COPS7B: variants seen among roughly 807,000 people sequenced by gnomAD.
COPS7B encodes the protein COP9 signalosome subunit 7B, also known as COP9 signalosome complex subunit 7b.
In COPS7B, 9 loss-of-function variants were observed where a neutral mutation model predicts 33.4. The observed-to-expected ratio is 0.27, with a 90% CI of 0.16 to 0.47. The LOEUF is 0.47. Among genes scored for constraint, COPS7B ranks in the 20% least tolerant of loss-of-function variants. The pLI, the probability that COPS7B is intolerant of heterozygous loss-of-function variation, is 0.99. For synonymous variants in COPS7B, 119 were observed against 126.3 expected (o/e 0.94, Z 0.39); for missense variants, 242 against 318.2 (o/e 0.76, Z 1.82).
In COPS7B at chr2:231,808,290, T is replaced by G; in HGVS notation, c.*645T>G. The G allele has an allele frequency of 1.0e-5, 4 of 382,292 alleles. No homozygotes were observed. The highest frequency in any genetic ancestry group is 6.1e-5 in the South Asian group (3 of 49,460). The allele number at this position is 382,292 out of a possible 1,614,324, so 23.7% of individuals were successfully genotyped here. On this transcript the variant is annotated 3_prime_UTR_variant, in exon 7 of 7. Transcript: ENST00000350033. ...TGAGAGCGCTGGGTTGACTAACCTC[T>G]GGTATCTGAGCACAGACAGAGGGTG...
intron 3 of COPS7B, 115 bp downstream of exon 3, chr2:231,791,923 T>A: frequency 3.3e-6 from 3 of 916,522 alleles, no homozygotes; most frequent in East Asian, 5.0e-5. Context: ...TTGACCTGGC[T>A]GCCTCCCATT....
intron 5 of COPS7B, 37 bp downstream of exon 5, chr2:231,796,345 C>G: frequency 6.3e-7 from 1 of 1,586,852 alleles, no homozygotes; most frequent in South Asian, 1.1e-5. Context: ...TCTAGCATGT[C>G]TTTTGTGCCT....
At chr2:231,800,080 A>G (rs1223806085) in intron 6 of COPS7B, among the ~76,000 whole-genome samples, 1 of 152,132 alleles carries the variant, frequency 6.6e-6, no homozygotes, top group East Asian at 1.9e-4. Flanking sequence ...ACACCACCCT[A>G]TATACATATA....
rs1331160795 is a variant in COPS7B, at chr2:231,808,307, C to T, written c.*662C>T. The T allele has an allele frequency of 2.5e-6, 1 of 402,418 alleles. No individual in the cohort carries two copies. Among genetic ancestry groups the T allele is most frequent in the Admixed American group, 3.0e-5 (1 of 32,950 alleles). 24.9% of individuals were successfully genotyped at this position (402,418 alleles called of 1,614,324 possible). On this transcript the variant is annotated 3_prime_UTR_variant, in exon 7 of 7. Coordinates refer to ENST00000350033, the MANE Select transcript of COPS7B (RefSeq NM_022730.4). ...CTAACCTCTGGTATCTGAGCACAGA[C>T]AGAGGGTGCTGTGGGTCTGCTGGGT...
chr2:231,799,051 T>C lies in COPS7B; in HGVS notation c.636+87T>C, dbSNP rs1191086892. 1.4e-5 allele frequency: 17 copies of C among 1,220,632 alleles called. No individual in the cohort carries two copies. In the East Asian group the frequency reaches 2.0e-4, roughly 15 times the overall value. 75.6% of individuals were successfully genotyped at this position (1,220,632 alleles called of 1,614,324 possible). On this transcript the variant is annotated intron_variant, in intron 6 of 6. Coordinates refer to ENST00000350033, the MANE Select transcript of COPS7B (RefSeq NM_022730.4). ...GTTTATGTTTTTGTTTTGCGAATCT[T>C]GGTGTAGATGAAACAAGCAGTCACC...
At chr2:231,804,653 T>C (rs2049842968) in intron 6 of COPS7B, among the ~76,000 whole-genome samples, 1 of 152,220 alleles carries the variant, frequency 6.6e-6, no homozygotes, top group African/African-American at 2.4e-5. Flanking sequence ...GGTTTTGTTT[T>C]TTTAATTTTT....
At chr2:231,802,038 G>C (rs917306759) in intron 6 of COPS7B, among the ~76,000 whole-genome samples, 1 of 152,092 alleles carries the variant, frequency 6.6e-6, no homozygotes, top group Admixed American at 6.5e-5. Context: ...GTCTCCCAAA[G>C]TGCTGAGATT....
At chr2:231,801,306 C>T in intron 6 of COPS7B, 1 of 1,522,266 alleles carries the variant, frequency 6.6e-7, no homozygotes, top group Non-Finnish European at 8.8e-7. Flanking sequence ...TGGAAATAAC[C>T]CATATTAGTT....
intron 6 of COPS7B, chr2:231,801,049 G>C (rs891348771): frequency 1.7e-5 from 17 of 1,002,044 alleles, no homozygotes; most frequent in Non-Finnish European, 2.5e-5. Context: ...TATTCTGTTT[G>C]TATTTATGCC....
intron 6 of COPS7B, among the ~76,000 whole-genome samples, chr2:231,799,252 A>G (rs1428800374): frequency 2.6e-5 from 4 of 152,206 alleles, no homozygotes. Flanking sequence ...ATAGAGCAAA[A>G]GAAAATGAGT....
chr2:231,791,763 C>A lies in COPS7B; in HGVS notation c.193C>A (p.Gln65Lys). 6.2e-7 allele frequency: 1 copy of A among 1,614,096 alleles called. No individual in the cohort carries two copies. Among genetic ancestry groups the A allele is most frequent in the Non-Finnish European group, 8.5e-7 (1 of 1,180,008 alleles). The change falls in exon 3 of 7, where the codon CAG (glutamine) becomes AAG (lysine). Residue 65 changes from glutamine to lysine, a missense_variant. Coordinates refer to ENST00000350033, the MANE Select transcript of COPS7B (RefSeq NM_022730.4). ...LAEGANAAYL[Q>K]LLNLFAYGTY... ...GGAAGGAGCTAATGCTGCTTATTTG[C>A]AGTTGTTGAACCTGTTTGCCTATGG...
In COPS7B at chr2:231,808,132, G is replaced by A. The variant is rs540211210; in HGVS notation, c.*487G>A. 129 of 249,518 alleles carry A rather than the reference G, an allele frequency of 5.2e-4. No homozygotes were observed. The highest frequency in any genetic ancestry group is 9.1e-4 in the Non-Finnish European group (115 of 126,142). The allele number at this position is 249,518 out of a possible 1,614,324, so 15.5% of individuals were successfully genotyped here. ...GATTTCTAGCCAGGCGTCAAGATGC[G>A]CTGCTTTCCCTCTCCTGCCTCATCC... On this transcript the variant is annotated 3_prime_UTR_variant, in exon 7 of 7. Transcript: ENST00000350033.
intron 3 of COPS7B, among the ~76,000 whole-genome samples, chr2:231,792,501 TA>T (rs2049447065): frequency 1.3e-5 from 2 of 152,088 alleles, no homozygotes; most frequent in Non-Finnish European, 2.9e-5. Context: ...AACAAACAAA[TA>T]AATAAATAAA....
At position 231,786,488 on chromosome 2, in the gene COPS7B, C is replaced by T. The variant is rs1212445711; in HGVS notation, c.-67C>T. 5 of 985,904 alleles carry T rather than the reference C, an allele frequency of 5.1e-6. No homozygotes were observed. The highest frequency in any genetic ancestry group is 6.0e-6 in the Non-Finnish European group (5 of 830,068). 61.1% of individuals were successfully genotyped at this position (985,904 alleles called of 1,614,324 possible). ...GGACGCTTGACAACCTGCGGGCAGG[C>T]GCCGGGAGGCCGAGCCAGCGACTAA... On this transcript the variant is annotated 5_prime_UTR_variant, in exon 1 of 7. Coordinates refer to ENST00000350033, the MANE Select transcript of COPS7B (RefSeq NM_022730.4).
upstream of COPS7B, among the ~76,000 whole-genome samples, chr2:231,784,873 C>T (rs1040996928): frequency 2.6e-5 from 4 of 152,334 alleles, no homozygotes; most frequent in African/African-American, 7.2e-5. Context: ...AATGCAGTGG[C>T]GCAATTTCGG....
chr2:231,793,998 G>A, intron 3 of COPS7B: 1 of 436,848 alleles, frequency 2.3e-6, no homozygotes, highest in East Asian at 4.1e-5. Flanking sequence ...GGCACAAATA[G>A]TACTCCATTA....
In COPS7B at chr2:231,807,543, G is replaced by A. The variant is rs1333148473; in HGVS notation, c.693G>A (p.Met231Ile). Reference protein sequence around the residue: ...KATASSSAQEMEQQLAERECP... With the variant: ...KATASSSAQEIEQQLAERECP... The stretch of plus-strand genomic sequence containing the variant: ...CCGCATCCTCCTCGGCTCAGGAGAT[G>A]GAGCAGCAGCTGGCTGAACGGGAGT... Residue 231 changes from methionine to isoleucine, a missense_variant, in exon 7 of 7, where the codon ATG becomes ATA. By Grantham distance (10) the Met-to-Ile change is conservative. Transcript: ENST00000350033. 1.2e-6 allele frequency: 2 copies of A among 1,613,564 alleles called. No homozygotes were observed. Among genetic ancestry groups the A allele is most frequent in the Non-Finnish European group, 1.7e-6 (2 of 1,179,800 alleles).
chr2:231,784,493 A>C (rs146662071), upstream of COPS7B, among the ~76,000 whole-genome samples: 2 of 152,164 alleles, frequency 1.3e-5, no homozygotes, highest in East Asian at 3.9e-4. Context: ...TAAGGGAAAA[A>C]AAAACCAAAA....
intron 1 of COPS7B, 23 bp downstream of exon 1, chr2:231,786,561 G>A (rs2049249575): frequency 2.1e-6 from 2 of 962,984 alleles, no homozygotes; most frequent in Non-Finnish European, 2.5e-6. Flanking sequence ...GAGAGGGTGG[G>A]CCGAGCGGGG....
Sources: gnomAD v4.1 joint callset for allele counts (sites outside exome capture counted in the v4.1 genomes callset) on GRCh38, gnomAD v4.1.1 for gene constraint, MANE v1.5 for transcripts, NCBI Gene and HGNC (gene_info 2026-07-23, HGNC 2026-07-21) for gene names.